The following MYO16 variants were observed in gnomAD, a reference collection of about 807,000 sequenced individuals.
The protein encoded by MYO16 is myosin XVI.
A neutral mutation model predicts 205.3 loss-of-function variants in MYO16; 94 were observed. That is an observed-to-expected ratio of 0.46 (90% CI 0.39 to 0.54). The LOEUF (loss-of-function observed/expected upper bound fraction) is 0.54, where lower values mean the gene tolerates loss of function less well. Ranked by LOEUF, MYO16 falls within the 20% of genes least tolerant of loss-of-function variation. The pLI is 0.00. For missense variants in MYO16, 2,315 were observed against 2,387.5 expected (o/e 0.97, Z 0.63); for synonymous variants, 988 against 954.0 (o/e 1.04, Z -0.66).
chr13:108,905,557 A>G lies in MYO16; in HGVS notation c.1778-4446A>G, dbSNP rs557267682. Among the ~76,000 whole-genome samples, 23 of 152,288 alleles carry G rather than the reference A, an allele frequency of 1.5e-4. No individual in the cohort carries two copies. In the East Asian group the frequency reaches 4.3e-3, roughly 28 times the overall value. ...TGTTTATCCAAGGTAAATCTTAGCT[A>G]TTGACCAGATAAGTTCTCAGACAAG... On this transcript the variant is annotated intron_variant, in intron 15 of 34. Transcript: ENST00000457511.
chr13:109,018,625 C>T (rs192660676), intron 22 of MYO16, among the ~76,000 whole-genome samples: 2 of 152,162 alleles, frequency 1.3e-5, no homozygotes, highest in Admixed American at 6.5e-5. Flanking sequence ...ATCCGTTGAG[C>T]GAAGCATGGG....
intron 4 of MYO16, among the ~76,000 whole-genome samples, chr13:108,742,264 G>A (rs953567942): frequency 6.6e-6 from 1 of 152,002 alleles, no homozygotes; most frequent in Non-Finnish European, 1.5e-5. Flanking sequence ...AAAGTGCTGG[G>A]ATTACAGATG....
chr13:108,627,159 C>G (rs74117285), upstream of MYO16, among the ~76,000 whole-genome samples: 3,548 of 151,500 alleles, frequency 0.023, 139 homozygotes, highest in African/African-American at 0.081. Flanking sequence ...AGTATTAATG[C>G]CTGCATTAGA....
chr13:109,140,295 C>T lies in MYO16; in HGVS notation c.4083C>T (p.Asp1361=). ...ALARPRPHSD[D]YSTMKKIPPR... is the part of the protein sequence containing the mutation. The stretch of plus-strand genomic sequence containing the variant: ...CCCGGCCCAGACCGCACAGCGACGA[C>T]TACAGCACCATGAAGAAGATTCCTC... Residue 1361 remains aspartate, a synonymous_variant, in exon 32 of 35, where the codon GAC becomes GAT. Transcript: ENST00000457511. This position sits in a 1 kb window ranked among gnomAD's most constrained non-coding sequence, Gnocchi z 8.0. The T allele has an allele frequency of 1.2e-6, 2 of 1,601,596 alleles. No homozygotes were observed. Among genetic ancestry groups the T allele is most frequent in the Middle Eastern group, 3.3e-4 (2 of 6,058 alleles).
intron 16 of MYO16, among the ~76,000 whole-genome samples, chr13:108,917,752 A>T (rs562302448): frequency 6.6e-6 from 1 of 152,264 alleles, no homozygotes; most frequent in Non-Finnish European, 1.5e-5. Flanking sequence ...TGGTCTGAAT[A>T]TATCTCAAAA....
In MYO16 at chr13:109,055,174, A is replaced by C; in HGVS notation, c.3129+48A>C. 1 of 1,439,836 alleles carries C rather than the reference A, an allele frequency of 6.9e-7. No homozygotes were observed. The highest frequency in any genetic ancestry group is 9.5e-7 in the Non-Finnish European group (1 of 1,051,770). The allele number at this position is 1,439,836 out of a possible 1,614,324, so 89.2% of individuals were successfully genotyped here. ...AAAAACTTAATGTATGTTTATAGCA[A>C]CTAAAGAGGGTTTATGTAGACTTTT... is the stretch of plus-strand genomic sequence containing the variant. On this transcript the variant is annotated intron_variant, in intron 26 of 34. Coordinates refer to ENST00000457511, the MANE Select transcript of MYO16 (RefSeq NM_001198950.3). This position sits in a 1 kb window ranked among gnomAD's most constrained non-coding sequence, Gnocchi z 5.0.
the MYO16 span, among the ~76,000 whole-genome samples, chr13:108,530,931 T>A: frequency 2.0e-5 from 3 of 152,226 alleles, no homozygotes; most frequent in Non-Finnish European, 4.4e-5. Context: ...CGTTTGTTTA[T>A]GGTTTTTTTT....
At chr13:109,157,120 CT>C (rs1283690134) in intron 32 of MYO16, among the ~76,000 whole-genome samples, 1 of 151,824 alleles carries the variant, frequency 6.6e-6, no homozygotes, top group Non-Finnish European at 1.5e-5. Flanking sequence ...TTGAACTCAG[CT>C]TCCTCCTGCC....
chr13:108,983,601 T>C (rs940773056), intron 20 of MYO16, among the ~76,000 whole-genome samples: 38 of 152,176 alleles, frequency 2.5e-4, no homozygotes, highest in Admixed American at 2.0e-4. Context: ...CCCAAAATGC[T>C]ATGTGCCTTC....
chr13:108,905,486 G>A (rs1310238017), intron 15 of MYO16, among the ~76,000 whole-genome samples: 1 of 152,158 alleles, frequency 6.6e-6, no homozygotes, highest in East Asian at 1.9e-4. Context: ...GACCAGCCAT[G>A]TCCCAAATCT....
chr13:108,720,316 G>A (rs1232110805), intron 3 of MYO16, among the ~76,000 whole-genome samples: 3 of 152,118 alleles, frequency 2.0e-5, no homozygotes, highest in East Asian at 1.9e-4. Flanking sequence ...AAAAACAAGC[G>A]TATGGAAGTT....
In MYO16 at chr13:108,599,449, G is replaced by A. The variant is rs141847301; in HGVS notation, c.-39+3210G>A. On this transcript the variant is annotated intron_variant, in intron 1 of 24. Transcript: ENST00000251041. ...TCCACAATGGTTGAACTAGTTTACCGTCCCACTTGTGGTATTCTTTTTCAT... is the reference window on the plus strand; with the variant it reads ...TCCACAATGGTTGAACTAGTTTACCATCCCACTTGTGGTATTCTTTTTCAT... Among the ~76,000 whole-genome samples, 8 of 152,146 alleles carry A rather than the reference G, an allele frequency of 5.3e-5. No individual in the cohort carries two copies. In the East Asian group the frequency reaches 1.2e-3, roughly 22 times the overall value.
chr13:108,764,804 G>T (rs1885725468), intron 4 of MYO16, among the ~76,000 whole-genome samples: 1 of 152,140 alleles, frequency 6.6e-6, no homozygotes, highest in African/African-American at 2.4e-5. Flanking sequence ...TGTCACTCAA[G>T]CTGGCTCCCC....
chr13:108,593,524 G>T (rs1408843475), upstream of MYO16, among the ~76,000 whole-genome samples: 1 of 152,090 alleles, frequency 6.6e-6, no homozygotes, highest in African/African-American at 2.4e-5. Flanking sequence ...AAGCCCCACG[G>T]ACGAATTGTT....
At chr13:108,960,877 A>C (rs914208380) in intron 17 of MYO16, among the ~76,000 whole-genome samples, 1 of 152,204 alleles carries the variant, frequency 6.6e-6, no homozygotes, top group Non-Finnish European at 1.5e-5. Flanking sequence ...CTCTTTCAGC[A>C]TTCTCTTACT....
At chr13:108,619,611 A>T (rs1474108172) in intron 1 of MYO16, among the ~76,000 whole-genome samples, 1 of 152,124 alleles carries the variant, frequency 6.6e-6, no homozygotes, top group African/African-American at 2.4e-5. Context: ...TAGCATCAGG[A>T]GGTATCACAG....
At chr13:108,677,083 A>G (rs1283761107) in intron 2 of MYO16, among the ~76,000 whole-genome samples, 1 of 152,068 alleles carries the variant, frequency 6.6e-6, no homozygotes, top group Non-Finnish European at 1.5e-5. Context: ...CATGTAGCAA[A>G]TGTTTATTGA....
Position 109,104,008 on chromosome 13 carries a change from G to A in MYO16, c.3438+3121G>A, listed in dbSNP as rs116392257. 3.3e-3 allele frequency among the ~76,000 whole-genome samples: 497 copies of A among 152,180 alleles called. 2 individuals are homozygous for A. Among genetic ancestry groups the A allele is most frequent in the East Asian group, 0.012 (64 of 5,184 alleles). On this transcript the variant is annotated intron_variant, in intron 28 of 34. Transcript: ENST00000457511. ...TGCAGAAAAGGAAAGTAGACAGCACGTACAGGAGTGACCTTATTTTAGATT... is the reference window on the plus strand; with the variant it reads ...TGCAGAAAAGGAAAGTAGACAGCACATACAGGAGTGACCTTATTTTAGATT...
intron 16 of MYO16, among the ~76,000 whole-genome samples, chr13:108,952,868 T>C (rs867977344): frequency 6.6e-6 from 1 of 152,246 alleles, no homozygotes; most frequent in East Asian, 1.9e-4. Context: ...ATACTGAATA[T>C]TAAGTTAAAG....
Sources: allele counts gnomAD v4.1 joint callset (sites outside exome capture counted in the v4.1 genomes callset), GRCh38; gene constraint gnomAD v4.1.1; non-coding constraint Gnocchi (gnomAD v3.1); transcripts MANE v1.5; gene names NCBI Gene and HGNC (gene_info 2026-07-23, HGNC 2026-07-21).